Variants in MASP1 observed in about 807,000 individuals in gnomAD.
MASP1 encodes the protein mannan-binding lectin serine protease 1.
A neutral mutation model predicts 77.1 loss-of-function variants in MASP1; 59 were observed. The observed-to-expected ratio is 0.77, with a 90% CI of 0.62 to 0.95. The LOEUF is 0.95. Ranked by LOEUF, MASP1 falls within the 40% of genes least tolerant of loss-of-function variation. The pLI, the probability that MASP1 is intolerant of heterozygous loss-of-function variation, is 0.00. For missense variants in MASP1, 885 were observed against 912.9 expected (o/e 0.97, Z 0.39); for synonymous variants, 362 against 354.5 (o/e 1.02, Z -0.24).
chr3:187,284,609 G>T (rs1717698179), intron 2 of MASP1, among the ~76,000 whole-genome samples: 1 of 152,222 alleles, frequency 6.6e-6, no homozygotes, highest in Admixed American at 6.5e-5. Flanking sequence ...CGGAAGCACA[G>T]TGCCTTTGTA....
intron 2 of MASP1, among the ~76,000 whole-genome samples, chr3:187,265,824 C>T (rs564594160): frequency 6.6e-6 from 1 of 152,286 alleles, no homozygotes; most frequent in South Asian, 2.1e-4. Context: ...AAACAATTTT[C>T]CTGGCTCAAA....
Position 187,241,509 on chromosome 3 carries a change from C to A in MASP1, c.1275G>T (p.Leu425Phe). Residue 425 changes from leucine (L) to phenylalanine (F), a missense_variant, in exon 10 of 11, where the codon TTG (leucine) becomes TTT (phenylalanine). Transcript: ENST00000296280. ...GAAGGCAGGTGGGTAGGCTTCTCCC[C>A]AATACTTTATTCATCCAGACTCCTT... ...SAQGVWMNKVLGRSLPTCLPE... is the reference protein window; with the variant it reads ...SAQGVWMNKVFGRSLPTCLPE... The A allele has an allele frequency of 1.2e-6, 2 of 1,613,830 alleles. No homozygotes were observed. Among genetic ancestry groups the A allele is most frequent in the South Asian group, 1.1e-5 (1 of 91,072 alleles).
chr3:187,260,459 T>C (rs1426900542), intron 4 of MASP1, among the ~76,000 whole-genome samples: 1 of 152,124 alleles, frequency 6.6e-6, no homozygotes, highest in East Asian at 1.9e-4. Flanking sequence ...CCAGACCAAT[T>C]GCCTACAATA....
intron 2 of MASP1, among the ~76,000 whole-genome samples, chr3:187,284,037 A>G (rs1379728860): frequency 6.6e-6 from 1 of 152,096 alleles, no homozygotes; most frequent in Non-Finnish European, 1.5e-5. Flanking sequence ...GATCCTTGTG[A>G]CCCTGAGAAA....
In MASP1 at chr3:187,250,349, AG is replaced by A; in HGVS notation, c.1012-21del. ...ATTATCCTGGGAAGAGACAGGAAGA[AG>A]GGAGTGGGAAGAAGGAGGTGGGGGT... On this transcript the variant is annotated intron_variant, in intron 7 of 10. Transcript: ENST00000296280. The A allele has an allele frequency of 1.3e-6, 2 of 1,587,148 alleles. No individual in the cohort carries two copies. Among genetic ancestry groups the A allele is most frequent in the South Asian group, 2.2e-5 (2 of 90,538 alleles).
In MASP1 at chr3:187,286,638, G is replaced by C. The variant is rs185104089; in HGVS notation, c.6-582C>G. Reference sequence around the variant, plus strand: ...ATTCCTGTAGGAATCAGAAATAATAGACTAATAAAGAGTTGCAAAAGAGAC... The same window carrying C: ...ATTCCTGTAGGAATCAGAAATAATACACTAATAAAGAGTTGCAAAAGAGAC... On this transcript the variant is annotated intron_variant, in intron 1 of 10. Transcript: ENST00000296280. Among the ~76,000 whole-genome samples the C allele has an allele frequency of 3.3e-5, 5 of 152,314 alleles. No homozygotes were observed. In the East Asian group the frequency reaches 9.6e-4, roughly 29 times the overall value.
exon 16 of MASP1, chr3:187,219,146 C>T (rs1418444527): frequency 6.6e-6 from 1 of 152,278 alleles, no homozygotes; most frequent in East Asian, 1.9e-4. Context: ...AGCATTTTGT[C>T]TGCATCAAAG....
In MASP1 at chr3:187,226,473, C is replaced by G. The variant is rs140271320; in HGVS notation, c.1489G>C (p.Asp497His). Residue 497 changes from aspartate (D) to histidine (H), a missense_variant, in exon 12 of 16, where the codon GAT becomes CAT. Asp to His is a moderately conservative substitution (Grantham distance 81, BLOSUM62 -1). Transcript: ENST00000337774. ...TCACGTAGGGTCGGATCTTCCGGATCGAGTGACTGGTGGAGGCAGTGTGCG... is the reference window on the plus strand; with the variant it reads ...TCACGTAGGGTCGGATCTTCCGGATGGAGTGACTGGTGGAGGCAGTGTGCG... 1.4e-4 allele frequency: 221 copies of G among 1,612,948 alleles called. No homozygotes were observed. The highest frequency in any genetic ancestry group is 1.7e-4 in the Non-Finnish European group (200 of 1,179,624).
intron 5 of MASP1, among the ~76,000 whole-genome samples, chr3:187,255,974 G>C (rs145191832): frequency 7.9e-5 from 12 of 152,102 alleles, no homozygotes; most frequent in Admixed American, 5.9e-4. Context: ...TGGATGTCTT[G>C]GCTGATCACT....
At chr3:187,285,678 A>G (rs1024516183) in intron 2 of MASP1, 147 bp downstream of exon 2, 1 of 721,902 alleles carries the variant, frequency 1.4e-6, no homozygotes, top group African/African-American at 1.8e-5. Flanking sequence ...GCTTGCACTT[A>G]GCTTTCCACC....
Position 187,251,704 on chromosome 3 carries a change from G to T in MASP1, c.941C>A (p.Pro314His). 6.2e-7 allele frequency: 1 copy of T among 1,614,154 alleles called. No individual in the cohort carries two copies. Reference protein sequence around the residue: ...LQPPVHGKIEPSQAKYFFKDQ... With the variant: ...LQPPVHGKIEHSQAKYFFKDQ... ...TTTGAAGAAATACTTGGCTTGGGAGGGCTCGATTTTCCCATGGACAGGAGG... is the reference window on the plus strand; with the variant it reads ...TTTGAAGAAATACTTGGCTTGGGAGTGCTCGATTTTCCCATGGACAGGAGG... Residue 314 changes from proline (P) to histidine (H), a missense_variant, in exon 7 of 11, where the codon CCC becomes CAC. Pro to His is a moderately conservative substitution (Grantham distance 77). Coordinates refer to ENST00000296280, the MANE Select transcript of MASP1 (RefSeq NM_139125.4).
At chr3:187,226,336 G>A in intron 12 of MASP1, 2 of 1,156,204 alleles carry the variant, frequency 1.7e-6, no homozygotes, top group East Asian at 2.6e-5. Flanking sequence ...GACACGCCTT[G>A]GAAAGGGCCA....
At chr3:187,247,573 G>C (rs1714201391) in intron 8 of MASP1, among the ~76,000 whole-genome samples, 1 of 152,190 alleles carries the variant, frequency 6.6e-6, no homozygotes, top group Non-Finnish European at 1.5e-5. Flanking sequence ...AACAGTTTGG[G>C]ATTGTGGAAT....
chr3:187,275,806 G>C (rs1394940926), intron 2 of MASP1, among the ~76,000 whole-genome samples: 1 of 140,328 alleles, frequency 7.1e-6, no homozygotes, highest in Non-Finnish European at 1.5e-5. Flanking sequence ...CTGGTTGTTA[G>C]CACCCATGCC....
At chr3:187,256,393 G>C (rs1314467199) in intron 5 of MASP1, among the ~76,000 whole-genome samples, 1 of 152,218 alleles carries the variant, frequency 6.6e-6, no homozygotes, top group Non-Finnish European at 1.5e-5. Flanking sequence ...TCATGAGGCT[G>C]GGCGTGCCCG....
rs1402084115 is a variant in MASP1 at position 187,235,035 on chromosome 3, T to C, written c.*649A>G. The C allele has an allele frequency of 3.1e-6, 4 of 1,287,130 alleles. No homozygotes were observed. The African/African-American group carries it at 6.1e-5, about 20-fold the overall frequency. The allele number at this position is 1,287,130 out of a possible 1,614,324, so 79.7% of individuals were successfully genotyped here. A position where few individuals can be genotyped will look rare whatever the true frequency, so the allele number is the denominator to read the frequency against. On this transcript the variant is annotated 3_prime_UTR_variant, in exon 11 of 11. Transcript: ENST00000296280. ...CCTTCCCAACTTTCTCCATGTCTTT[T>C]GAAATTCCTTTAATGGGGAACATAA...
chr3:187,274,906 C>T (rs1040917692), intron 2 of MASP1, among the ~76,000 whole-genome samples: 10 of 122,404 alleles, frequency 8.2e-5, no homozygotes, highest in Non-Finnish European at 1.4e-4. Flanking sequence ...GCCTGGGAAG[C>T]GGGCATCCCG....
At chr3:187,266,583 G>A (rs979580394) in intron 2 of MASP1, among the ~76,000 whole-genome samples, 11 of 152,146 alleles carry the variant, frequency 7.2e-5, no homozygotes, top group Non-Finnish European at 1.6e-4. Context: ...ATAGATGGAG[G>A]GTAGGGGGTG....
intron 8 of MASP1, chr3:187,247,483 A>C (rs1714196266): frequency 7.4e-7 from 1 of 1,345,848 alleles, no homozygotes. Flanking sequence ...GCAAAGCAGA[A>C]ACAGTTTATG....
Sources: allele counts gnomAD v4.1 joint callset (sites outside exome capture counted in the v4.1 genomes callset), GRCh38; gene constraint gnomAD v4.1.1; transcripts MANE v1.5; gene names NCBI Gene and HGNC (gene_info 2026-07-23, HGNC 2026-07-21).